The following CA2 variants were observed in gnomAD, a reference collection of about 807,000 sequenced individuals.
CA2 encodes the protein carbonic anhydrase 2, also known as carbonate dehydratase II.
Under a neutral mutation model 27.8 loss-of-function variants are expected in CA2, and 23 were observed. The ratio of observed to expected loss-of-function variants is 0.83; its 90% CI spans 0.59 to 1.17. The LOEUF (loss-of-function observed/expected upper bound fraction) is 1.17. Among genes scored for constraint, CA2 ranks in the 50% most tolerant of loss-of-function variants. The pLI, the probability that CA2 is intolerant of heterozygous loss-of-function variation, is 0.00. For synonymous variants in CA2, 99 were observed against 114.9 expected, an observed-to-expected ratio of 0.86 and a Z score of 0.88; for missense variants, 300 against 314.7, an observed-to-expected ratio of 0.95 and a Z score of 0.35.
rs910405201 is a variant in CA2, at chr8:85,474,883, G to T, written c.444+467G>T. On this transcript the variant is annotated intron_variant, in intron 4 of 6. Transcript: ENST00000285379. ...TTATGAGCTCTGATTCATATGTTGA[G>T]GTGGAAGCTACAGGTGTGTATGAAA... 2.6e-5 allele frequency among the ~76,000 whole-genome samples: 4 copies of T among 152,180 alleles called. No individual in the cohort carries two copies. In the South Asian group the frequency reaches 8.3e-4, roughly 31 times the overall value.
intron 2 of CA2, among the ~76,000 whole-genome samples, chr8:85,472,949 G>A (rs2130556488): frequency 6.6e-6 from 1 of 151,026 alleles, no homozygotes; most frequent in Non-Finnish European, 1.5e-5. Context: ...AGCCGAGATC[G>A]CACCACCGCA....
intron 2 of CA2, among the ~76,000 whole-genome samples, chr8:85,469,110 A>C (rs1452503762): frequency 6.6e-6 from 1 of 152,160 alleles, no homozygotes; most frequent in East Asian, 1.9e-4. Context: ...TTTTCTGTAC[A>C]CAAGTCAAAA....
At chr8:85,473,266 T>G (rs1024566623) in intron 2 of CA2, 2 of 380,910 alleles carry the variant, frequency 5.3e-6, no homozygotes, top group Non-Finnish European at 1.0e-5. Flanking sequence ...TGCAAGTGTG[T>G]GTAGCAGACC....
intron 2 of CA2, among the ~76,000 whole-genome samples, chr8:85,466,171 G>GC (rs1329462630): frequency 6.8e-6 from 1 of 146,496 alleles, no homozygotes; most frequent in Non-Finnish European, 1.5e-5. Flanking sequence ...AAAAAATCCT[G>GC]CTTTTTTTTT....
At chr8:85,464,580 A>T (rs1469523969) in intron 1 of CA2, 1 of 68,486 alleles carries the variant, frequency 1.5e-5, no homozygotes, top group East Asian at 5.5e-4. Flanking sequence ...CTTCAGCACC[A>T]CCTGTGGCTA....
intron 2 of CA2, among the ~76,000 whole-genome samples, chr8:85,469,759 T>G (rs1054543569): frequency 6.6e-6 from 1 of 152,064 alleles, no homozygotes; most frequent in East Asian, 1.9e-4. Context: ...CTTATCCAAG[T>G]CTTACATCAT....
At chr8:85,480,521 C>T in intron 6 of CA2, 149 bp from the exon 7 acceptor site, 1 of 703,900 alleles carries the variant, frequency 1.4e-6, no homozygotes, top group South Asian at 1.6e-5. Flanking sequence ...AGTGATCCAC[C>T]CGCCTCATGC....
chr8:85,477,154 G>T lies in CA2; in HGVS notation c.542G>T (p.Arg181Leu), dbSNP rs756527443. The T allele has an allele frequency of 6.2e-7, 1 of 1,613,886 alleles. No homozygotes were observed. The highest frequency in any genetic ancestry group is 2.2e-5 in the East Asian group (1 of 44,890). The change falls in exon 6 of 7, where the codon CGT (arginine) becomes CTT (leucine). Residue 181 changes from arginine to leucine, a missense_variant. This residue lies in a region of CA2 where 173 missense variants were observed against 161.0 expected (regional missense o/e 1.07). Coordinates refer to ENST00000285379, the MANE Select transcript of CA2 (RefSeq NM_000067.3). ...KSADFTNFDPRGLLPESLDYW... is the reference protein window; with the variant it reads ...KSADFTNFDPLGLLPESLDYW... The stretch of plus-strand genomic sequence containing the variant: ...GCTGACTTCACTAACTTCGATCCTC[G>T]TGGCCTCCTTCCTGAATCCTTGGAT...
chr8:85,465,765 G>C (rs1306249061), intron 2 of CA2, among the ~76,000 whole-genome samples: 1 of 152,190 alleles, frequency 6.6e-6, no homozygotes, highest in African/African-American at 2.4e-5. Context: ...TCGCAATAAA[G>C]ATCAGTCACG....
intron 6 of CA2, among the ~76,000 whole-genome samples, chr8:85,479,875 T>C (rs1554548232): frequency 6.6e-6 from 1 of 152,186 alleles, no homozygotes; most frequent in Non-Finnish European, 1.5e-5. Flanking sequence ...TTCATTTCCG[T>C]GTTTTTGTGT....
chr8:85,466,560 A>G (rs1811633953), intron 2 of CA2, among the ~76,000 whole-genome samples: 1 of 152,100 alleles, frequency 6.6e-6, no homozygotes, highest in African/African-American at 2.4e-5. Context: ...GCTTTCTGAA[A>G]TGGTGATTCT....
intron 1 of CA2, chr8:85,464,558 C>T (rs2130541677): frequency 6.3e-6 from 1 of 159,018 alleles, no homozygotes; most frequent in Admixed American, 6.6e-5. Context: ...CACCCCCACC[C>T]CACCCCTCCA....
In CA2 at chr8:85,481,020, AAC is replaced by A; in HGVS notation, c.*235_*236del. 3.9e-6 allele frequency: 2 copies of A among 516,700 alleles called. No homozygotes were observed. Among genetic ancestry groups the A allele is most frequent in the East Asian group, 3.6e-5 (1 of 28,052 alleles). The allele number at this position is 516,700 out of a possible 1,614,324, so 32.0% of individuals were successfully genotyped here. A position where few individuals can be genotyped will look rare whatever the true frequency, so the allele number is the denominator to read the frequency against. On this transcript the variant is annotated 3_prime_UTR_variant, in exon 7 of 7. Transcript: ENST00000285379. ...TTGTTTATGGTAGTAGTTTTTCTGT[AAC>A]ACAGAATATAGGATAAGAAATAAGA... is the stretch of plus-strand genomic sequence containing the variant.
intron 2 of CA2, among the ~76,000 whole-genome samples, chr8:85,468,684 C>CGGGAGGCGGAGGTCGCA (rs1811666163): frequency 6.6e-6 from 1 of 151,948 alleles, no homozygotes; most frequent in African/African-American, 2.4e-5. Flanking sequence ...CGCTGGATCC[C>CGGGAGGCGGAGGTCGCA]GGGAGGCGGA....
chr8:85,477,312 G>T (rs374322583), intron 6 of CA2, 37 bp downstream of exon 6: 1 of 1,613,150 alleles, frequency 6.2e-7, no homozygotes, highest in South Asian at 1.1e-5. Flanking sequence ...TACGGGTGGA[G>T]CATTTAGTCA....
intron 4 of CA2, among the ~76,000 whole-genome samples, chr8:85,475,386 A>AC (rs1215422725): frequency 6.6e-6 from 1 of 150,526 alleles, no homozygotes; most frequent in Non-Finnish European, 1.5e-5. Context: ...AAAAAAAAAA[A>AC]AAAAAAAAAA....
intron 2 of CA2, among the ~76,000 whole-genome samples, chr8:85,468,830 T>C (rs1479453340): frequency 2.7e-5 from 3 of 109,234 alleles, no homozygotes; most frequent in African/African-American, 1.2e-4. Context: ...CCTTTAGACT[T>C]TCTTTCTTTT....
In CA2 at chr8:85,477,216, C is replaced by A; in HGVS notation, c.604C>A (p.Leu202Ile). 2.5e-6 allele frequency: 4 copies of A among 1,614,134 alleles called. No individual in the cohort carries two copies. The highest frequency in any genetic ancestry group is 3.4e-6 in the Non-Finnish European group (4 of 1,180,008). ...TYPGSLTTPP[L>I]LECVTWIVLK... ...CCCAGGCTCACTGACCACCCCTCCT[C>A]TTCTGGAATGTGTGACCTGGATTGT... is the stretch of plus-strand genomic sequence containing the variant. Residue 202 changes from leucine to isoleucine, a missense_variant, in exon 6 of 7, where the codon CTT becomes ATT. Leu to Ile is a conservative substitution (Grantham distance 5). Around this residue, in one of 3 missense-constraint regions of CA2, gnomAD observed 173 missense variants for 161.0 expected, o/e 1.07. Transcript: ENST00000285379.
chr8:85,464,048 C>A lies in CA2; in HGVS notation c.-34C>A. ...CAAGCCGCCGCCGCCAGATCGGTGCCGATTCCTGCCCTGCCCCGACCGCCA... is the reference window on the plus strand; with the variant it reads ...CAAGCCGCCGCCGCCAGATCGGTGCAGATTCCTGCCCTGCCCCGACCGCCA... On this transcript the variant is annotated 5_prime_UTR_variant, in exon 1 of 7. Coordinates refer to ENST00000285379, the MANE Select transcript of CA2 (RefSeq NM_000067.3). The A allele has an allele frequency of 6.5e-7, 1 of 1,542,328 alleles. No individual in the cohort carries two copies. The highest frequency in any genetic ancestry group is 8.7e-7 in the Non-Finnish European group (1 of 1,146,724).
Sources: allele counts gnomAD v4.1 joint callset (sites outside exome capture counted in the v4.1 genomes callset), GRCh38; gene constraint gnomAD v4.1.1; regional missense constraint gnomAD v4.1.1; transcripts MANE v1.5; gene names NCBI Gene and HGNC (gene_info 2026-07-23, HGNC 2026-07-21).